The following ATP6V1C1 variants were observed in gnomAD, a reference collection of about 807,000 sequenced individuals.
The protein encoded by ATP6V1C1 is V-type proton ATPase subunit C 1.
A neutral mutation model predicts 53.9 loss-of-function variants in ATP6V1C1; 45 were observed. That is an observed-to-expected ratio of 0.83 (90% CI 0.66 to 1.07). ATP6V1C1 has a LOEUF of 1.07. Ranked by LOEUF, ATP6V1C1 falls within the 50% of genes least tolerant of loss-of-function variation. ATP6V1C1 has a pLI of 0.00. For synonymous variants in ATP6V1C1, 153 were observed against 155.2 expected, an observed-to-expected ratio of 0.99 and a Z score of 0.11; for missense variants, 315 against 440.3, an observed-to-expected ratio of 0.72 and a Z score of 2.55.
intron 12 of ATP6V1C1, 38 bp downstream of exon 12, chr8:103,066,485 T>A: frequency 6.7e-7 from 1 of 1,498,458 alleles, no homozygotes; most frequent in Non-Finnish European, 8.9e-7. Flanking sequence ...AGAATTGAAG[T>A]GAATTTCAGA....
chr8:103,058,442 C>A (rs1177902533), intron 8 of ATP6V1C1, among the ~76,000 whole-genome samples: 1 of 152,156 alleles, frequency 6.6e-6, no homozygotes, highest in Non-Finnish European at 1.5e-5. Flanking sequence ...GGCAAATAGG[C>A]TTTTTTGAGT....
chr8:103,063,447 GTCTA>G (rs959082215), intron 10 of ATP6V1C1, among the ~76,000 whole-genome samples: 2 of 151,854 alleles, frequency 1.3e-5, no homozygotes, highest in African/African-American at 4.8e-5. Context: ...TAAAGCTTAT[GTCTA>G]TCTGAGATAG....
intron 3 of ATP6V1C1, among the ~76,000 whole-genome samples, chr8:103,043,647 TA>T (rs1817042459): frequency 6.6e-6 from 1 of 151,656 alleles, no homozygotes; most frequent in African/African-American, 2.4e-5. Context: ...ATCTCATTTT[TA>T]AAAATTTGTG....
At chr8:103,041,008 T>C in intron 2 of ATP6V1C1, 40 bp downstream of exon 2, 10 of 1,578,360 alleles carry the variant, frequency 6.3e-6, no homozygotes, top group Non-Finnish European at 8.6e-6. Context: ...GAGTTCATCA[T>C]CCAGGGGAGG....
chr8:103,043,931 C>G (rs1396148442), intron 3 of ATP6V1C1, among the ~76,000 whole-genome samples: 1 of 152,166 alleles, frequency 6.6e-6, no homozygotes, highest in Non-Finnish European at 1.5e-5. Context: ...CTCTGTTGCC[C>G]AGGCTGGAAT....
intron 4 of ATP6V1C1, among the ~76,000 whole-genome samples, chr8:103,050,376 T>C (rs1019941964): frequency 6.6e-6 from 1 of 152,206 alleles, no homozygotes; most frequent in African/African-American, 2.4e-5. Context: ...GTTGACTGAC[T>C]GGTATTATGT....
intron 3 of ATP6V1C1, among the ~76,000 whole-genome samples, chr8:103,047,358 G>C (rs1468850256): frequency 6.8e-6 from 1 of 147,198 alleles, no homozygotes; most frequent in African/African-American, 2.5e-5. Context: ...AATGCACTGT[G>C]ATTGCACCAC....
chr8:103,032,011 A>C (rs565503360), intron 1 of ATP6V1C1, among the ~76,000 whole-genome samples: 140 of 83,964 alleles, frequency 1.7e-3, no homozygotes, highest in Non-Finnish European at 2.8e-3. Flanking sequence ...TAAAAAAAAA[A>C]CAAAAAACAA....
At chr8:103,033,676 TATG>T (rs1816838091) in intron 1 of ATP6V1C1, among the ~76,000 whole-genome samples, 1 of 152,228 alleles carries the variant, frequency 6.6e-6, no homozygotes, top group Non-Finnish European at 1.5e-5. Context: ...TATGCTGTCA[TATG>T]ATATATAATG....
At chr8:103,059,348 T>C (rs1817351444) in intron 8 of ATP6V1C1, among the ~76,000 whole-genome samples, 1 of 152,140 alleles carries the variant, frequency 6.6e-6, no homozygotes, top group African/African-American at 2.4e-5. Context: ...ACCTGGTTCC[T>C]ACTGGACCAC....
chr8:103,044,433 G>C, intron 3 of ATP6V1C1, among the ~76,000 whole-genome samples: 1 of 152,152 alleles, frequency 6.6e-6, no homozygotes, highest in Non-Finnish European at 1.5e-5. Flanking sequence ...GGTCCAACTT[G>C]ATTCTTTTGG....
chr8:103,053,836 T>TA, intron 6 of ATP6V1C1, 48 bp from the exon 7 acceptor site: 1 of 1,373,398 alleles, frequency 7.3e-7, no homozygotes, highest in Non-Finnish European at 1.0e-6. Flanking sequence ...TTACTTGTGT[T>TA]ACAGAAGCAC....
At chr8:103,033,611 A>C (rs977855112) in intron 1 of ATP6V1C1, among the ~76,000 whole-genome samples, 3 of 152,208 alleles carry the variant, frequency 2.0e-5, no homozygotes, top group African/African-American at 7.2e-5. Context: ...CCAGAGAAAT[A>C]CTACAAAGAA....
rs556144508 is a variant in ATP6V1C1 at position 103,026,807 on chromosome 8, C to T, written c.-40+5582C>T. ...CAGCCTGGGCAACAGAGTGAGACTC[C>T]GTCTCCAAAAAAAATAAAAAGGCAT... On this transcript the variant is annotated intron_variant, in intron 1 of 12. Transcript: ENST00000518738. Among the ~76,000 whole-genome samples the T allele has an allele frequency of 2.1e-3, 324 of 152,098 alleles. No homozygotes were observed. In the Middle Eastern group the frequency reaches 0.024, roughly 11 times the overall value.
chr8:103,023,300 TG>T (rs199545271), intron 1 of ATP6V1C1, among the ~76,000 whole-genome samples: 1,209 of 117,404 alleles, frequency 0.01, 10 homozygotes, highest in African/African-American at 0.036. Flanking sequence ...TTTTTTTTGG[TG>T]GGGGGGAGAT....
chr8:103,025,126 C>T (rs1022439490), intron 1 of ATP6V1C1, among the ~76,000 whole-genome samples: 6 of 151,882 alleles, frequency 4.0e-5, no homozygotes, highest in African/African-American at 9.7e-5. Context: ...AGAAAGGGAT[C>T]GATGGATCTT....
At chr8:103,067,437 A>G (rs1490311136) in intron 12 of ATP6V1C1, among the ~76,000 whole-genome samples, 4 of 146,112 alleles carry the variant, frequency 2.7e-5, no homozygotes, top group Non-Finnish European at 3.0e-5. Context: ...CTTTTACTTT[A>G]TATTTCTGGT....
chr8:103,046,599 G>A (rs1161286619), intron 3 of ATP6V1C1, among the ~76,000 whole-genome samples: 1 of 152,206 alleles, frequency 6.6e-6, no homozygotes, highest in Non-Finnish European at 1.5e-5. Context: ...TACCTAGGCA[G>A]TGTGTCAGCT....
chr8:103,065,826 G>A (rs1817478936), intron 11 of ATP6V1C1, among the ~76,000 whole-genome samples: 1 of 152,040 alleles, frequency 6.6e-6, no homozygotes, highest in Non-Finnish European at 1.5e-5. Flanking sequence ...GGCAGATCAT[G>A]AGGTCAAGAG....
Sources: allele counts gnomAD v4.1 joint callset (sites outside exome capture counted in the v4.1 genomes callset), GRCh38; gene constraint gnomAD v4.1.1; transcripts MANE v1.5; gene names NCBI Gene and HGNC (gene_info 2026-07-23, HGNC 2026-07-21).